The following NRG1 variants were observed in gnomAD, a reference collection of about 807,000 sequenced individuals.
NRG1 encodes pro-neuregulin-1, membrane-bound isoform.
A neutral mutation model predicts 63.8 loss-of-function variants in NRG1; 18 were observed. The ratio of observed to expected loss-of-function variants is 0.28; its 90% CI spans 0.19 to 0.42. The LOEUF (loss-of-function observed/expected upper bound fraction) is 0.42. NRG1 is among the 10% of genes least tolerant of loss of function. The pLI is 1.00. For synonymous variants in NRG1, 302 were observed against 301.3 expected, an observed-to-expected ratio of 1.00 and a Z score of -0.02; for missense variants, 762 against 814.7, an observed-to-expected ratio of 0.94 and a Z score of 0.79.
intron 1 of NRG1, among the ~76,000 whole-genome samples, chr8:32,005,131 A>T (rs327339): frequency 0.019 from 2,826 of 150,046 alleles, 88 homozygotes; most frequent in African/African-American, 0.065. Context: ...GGGAGGGAGG[A>T]TGGAAGAGAG....
intron 5 of NRG1, chr8:32,646,917 G>T: frequency 1.0e-6 from 1 of 985,022 alleles, no homozygotes; most frequent in African/African-American, 1.7e-5. Flanking sequence ...AGGAAAGAGA[G>T]AGAGGAGAGA....
intron 1 of NRG1, among the ~76,000 whole-genome samples, chr8:32,481,649 A>G (rs986814244): frequency 6.6e-6 from 1 of 152,252 alleles, no homozygotes; most frequent in Non-Finnish European, 1.5e-5. Context: ...GTCATTTAAC[A>G]TCTCTGCCTT....
intron 1 of NRG1, among the ~76,000 whole-genome samples, chr8:32,038,864 G>A (rs567132630): frequency 1.3e-5 from 2 of 152,148 alleles, no homozygotes; most frequent in African/African-American, 4.8e-5. Context: ...GCGTGAAAGA[G>A]GAATGCTGTC....
intron 1 of NRG1, among the ~76,000 whole-genome samples, chr8:31,926,671 A>G (rs1202318897): frequency 6.6e-6 from 1 of 152,174 alleles, no homozygotes; most frequent in African/African-American, 2.4e-5. Context: ...AATATTCTGC[A>G]AGTCTTGAGA....
At chr8:32,387,907 T>C (rs1410611867) in intron 1 of NRG1, among the ~76,000 whole-genome samples, 1 of 152,152 alleles carries the variant, frequency 6.6e-6, no homozygotes, top group Non-Finnish European at 1.5e-5. Context: ...GTGACATTCA[T>C]TGTTACATGG....
At chr8:32,038,932 G>A (rs1371371110) in intron 1 of NRG1, among the ~76,000 whole-genome samples, 2 of 151,830 alleles carry the variant, frequency 1.3e-5, no homozygotes, top group Non-Finnish European at 2.9e-5. Context: ...TTGCAAAAGT[G>A]ATCTGTATCC....
chr8:32,055,803 G>A (rs1254984449), intron 1 of NRG1, among the ~76,000 whole-genome samples: 1 of 151,946 alleles, frequency 6.6e-6, no homozygotes, highest in Non-Finnish European at 1.5e-5. Context: ...TACCCAGATA[G>A]AGCCCCCTTG....
intron 1 of NRG1, among the ~76,000 whole-genome samples, chr8:31,728,654 T>C (rs932394107): frequency 1.3e-5 from 2 of 152,158 alleles, no homozygotes; most frequent in Non-Finnish European, 2.9e-5. Context: ...CATGCTAAAT[T>C]CATAGCTCAC....
intron 5 of NRG1, among the ~76,000 whole-genome samples, chr8:32,630,809 T>C (rs1293811048): frequency 2.0e-5 from 3 of 152,136 alleles, no homozygotes; most frequent in South Asian, 2.1e-4. Flanking sequence ...TCTTGTGCTG[T>C]GGTGTAAATT....
chr8:32,673,265 T>C (rs916443881), intron 5 of NRG1, among the ~76,000 whole-genome samples: 1 of 152,210 alleles, frequency 6.6e-6, no homozygotes, highest in South Asian at 2.1e-4. Flanking sequence ...ATTCAGTTAA[T>C]TATGTAATAA....
At chr8:32,712,457 G>A (rs899504386) in intron 5 of NRG1, among the ~76,000 whole-genome samples, 1 of 152,080 alleles carries the variant, frequency 6.6e-6, no homozygotes, top group African/African-American at 2.4e-5. Flanking sequence ...CTCCTATTTG[G>A]CAGCAACTGC....
intron 1 of NRG1, among the ~76,000 whole-genome samples, chr8:31,740,486 T>G (rs1304611077): frequency 6.6e-6 from 1 of 152,018 alleles, no homozygotes; most frequent in Non-Finnish European, 1.5e-5. Flanking sequence ...TTTTCTGTAA[T>G]TCTTACTATT....
chr8:32,693,817 A>G (rs1812528816), intron 5 of NRG1, among the ~76,000 whole-genome samples: 1 of 152,208 alleles, frequency 6.6e-6, no homozygotes, highest in South Asian at 2.1e-4. Flanking sequence ...ATATGACCCC[A>G]TAAACACAAA....
chr8:32,687,301 G>T (rs1001568415), intron 5 of NRG1, among the ~76,000 whole-genome samples: 1 of 152,178 alleles, frequency 6.6e-6, no homozygotes, highest in African/African-American at 2.4e-5. Context: ...TAGGAGGAAG[G>T]TGGGTGACTA....
At chr8:31,809,359 C>CACAT (rs1563427908) in intron 1 of NRG1, among the ~76,000 whole-genome samples, 1 of 142,208 alleles carries the variant, frequency 7.0e-6, no homozygotes, top group Non-Finnish European at 1.5e-5. Flanking sequence ...CACACACACA[C>CACAT]ATATATATAC....
At chr8:32,025,813 T>C (rs148820047) in intron 1 of NRG1, among the ~76,000 whole-genome samples, 75 of 151,412 alleles carry the variant, frequency 5.0e-4, no homozygotes, top group Middle Eastern at 3.4e-3. Flanking sequence ...CCGGGCCTGG[T>C]GGCGGGCGCC....
Position 32,761,969 on chromosome 8 carries a change from G to A in NRG1, c.1259+1563G>A, listed in dbSNP as rs1002207153. Among the ~76,000 whole-genome samples, 5 of 149,026 alleles carry A rather than the reference G, an allele frequency of 3.4e-5. No individual in the cohort carries two copies. In the East Asian group the frequency reaches 9.9e-4, roughly 30 times the overall value. Reference sequence around the variant, plus strand: ...CAGGAGAATTGCTTGAACCCAGGAGGTGGAGGCTGCAGTGAGCTGAGATGG... The same window carrying A: ...CAGGAGAATTGCTTGAACCCAGGAGATGGAGGCTGCAGTGAGCTGAGATGG... On this transcript the variant is annotated intron_variant, in intron 11 of 11. Coordinates refer to ENST00000356819, the Ensembl canonical transcript of NRG1.
At chr8:32,256,993 G>T (rs1251523435) in intron 1 of NRG1, among the ~76,000 whole-genome samples, 1 of 152,196 alleles carries the variant, frequency 6.6e-6, no homozygotes, top group African/African-American at 2.4e-5. Context: ...CCAGAGAGGA[G>T]GAATCTAGAG....
intron 1 of NRG1, among the ~76,000 whole-genome samples, chr8:32,489,584 C>T (rs1045166726): frequency 2.6e-5 from 4 of 152,128 alleles, no homozygotes; most frequent in African/African-American, 7.2e-5. Context: ...TAAGGAGACT[C>T]CCAGCTTTCT....
Sources: allele counts gnomAD v4.1 joint callset (sites outside exome capture counted in the v4.1 genomes callset), GRCh38; gene constraint gnomAD v4.1.1; transcripts MANE v1.5; gene names NCBI Gene and HGNC (gene_info 2026-07-23, HGNC 2026-07-21).